The following YAF2 variants were observed in gnomAD, a reference collection of about 807,000 sequenced individuals.
The protein encoded by YAF2 is YY1-associated factor 2.
Under a neutral mutation model 20.1 loss-of-function variants are expected in YAF2, and 7 were observed. The observed-to-expected ratio is 0.35, with a 90% CI of 0.20 to 0.65. YAF2 has a LOEUF of 0.65. YAF2 is among the 30% of genes least tolerant of loss of function. The pLI is 0.69. For synonymous variants in YAF2, 74 were observed against 76.0 expected (o/e 0.97, Z 0.14); for missense variants, 151 against 219.2 (o/e 0.69, Z 1.96).
chr12:42,212,101 G>T (rs1054005881), intron 2 of YAF2, among the ~76,000 whole-genome samples: 1 of 151,648 alleles, frequency 6.6e-6, no homozygotes, highest in Non-Finnish European at 1.5e-5. Flanking sequence ...AAGTATGCCA[G>T]TCATTGAAAA....
intron 2 of YAF2, among the ~76,000 whole-genome samples, chr12:42,183,091 A>C (rs918205980): frequency 1.3e-5 from 2 of 152,168 alleles, no homozygotes; most frequent in Non-Finnish European, 2.9e-5. Context: ...CTTTGATGTT[A>C]CTGCTGTCAT....
chr12:42,231,485 T>A (rs2067983299), intron 2 of YAF2: 4 of 152,224 alleles, frequency 2.6e-5, no homozygotes, highest in African/African-American at 9.6e-5. Flanking sequence ...TAGGTGTTAT[T>A]CTTTGATACT....
chr12:42,192,277 G>C (rs1282965037), intron 2 of YAF2, among the ~76,000 whole-genome samples: 1 of 152,064 alleles, frequency 6.6e-6, no homozygotes, highest in East Asian at 1.9e-4. Context: ...GGAAGCTGAG[G>C]CAGGAGGATC....
chr12:42,211,856 C>T (rs902747256), intron 2 of YAF2, among the ~76,000 whole-genome samples: 25 of 151,896 alleles, frequency 1.6e-4, no homozygotes, highest in African/African-American at 5.8e-4. Context: ...CTAGACCAGC[C>T]TCACTAACAT....
intron 2 of YAF2, among the ~76,000 whole-genome samples, chr12:42,215,613 C>T (rs2067329843): frequency 6.6e-6 from 1 of 151,992 alleles, no homozygotes. Context: ...ATGCAATCTC[C>T]CAGGAGTTTT....
chr12:42,234,668 T>A, intron 2 of YAF2: 1 of 984,660 alleles, frequency 1.0e-6, no homozygotes, highest in Non-Finnish European at 1.2e-6. Context: ...TAATATTATT[T>A]AAAGAAAAAA....
intron 2 of YAF2, among the ~76,000 whole-genome samples, chr12:42,176,691 G>T (rs1246715696): frequency 6.6e-6 from 1 of 152,128 alleles, no homozygotes; most frequent in Admixed American, 6.5e-5. Flanking sequence ...GCCAGGTATG[G>T]TGGCTCACAT....
At position 42,238,208 on chromosome 12, in the gene YAF2, T is replaced by G; in HGVS notation, c.-28A>C. ...CTTGGCTATCACCGCACGCCGAGAG[T>G]CGCCGCCGCGACCGCTCTGTTTGTC... On this transcript the variant is annotated 5_prime_UTR_variant, in exon 1 of 4. Transcript: ENST00000534854. 1 of 1,367,900 alleles carries G rather than the reference T, an allele frequency of 7.3e-7. No individual in the cohort carries two copies. Among genetic ancestry groups the G allele is most frequent in the South Asian group, 1.3e-5 (1 of 79,846 alleles). 84.7% of individuals were successfully genotyped at this position (1,367,900 alleles called of 1,614,324 possible). A position where few individuals can be genotyped will look rare whatever the true frequency, so the allele number is the denominator to read the frequency against.
At chr12:42,178,477 C>T (rs1393703597) in intron 2 of YAF2, among the ~76,000 whole-genome samples, 1 of 152,114 alleles carries the variant, frequency 6.6e-6, no homozygotes, top group Non-Finnish European at 1.5e-5. Flanking sequence ...CCATCTTTTC[C>T]AAATAACCTT....
chr12:42,186,731 G>C lies in YAF2; in HGVS notation c.153-24966C>G, dbSNP rs187400000. Among the ~76,000 whole-genome samples the C allele has an allele frequency of 1.1e-3, 167 of 152,252 alleles. 5 individuals carry two copies. The highest frequency in any genetic ancestry group is 9.2e-3 in the Admixed American group (141 of 15,282). ...AAAGAAATTAACTTTCCCACTAGGA[G>C]TAACCAGGAAGCAGATTAGTATTAA... On this transcript the variant is annotated intron_variant, in intron 2 of 3. Transcript: ENST00000534854.
intron 2 of YAF2, chr12:42,234,189 A>AAAGAGAAAAG (rs1462142100): frequency 1.1e-6 from 1 of 878,026 alleles, no homozygotes; most frequent in Non-Finnish European, 1.3e-6. Context: ...TCAAAAAAAA[A>AAAGAGAAAAG]AAGAGAAAAG....
intron 2 of YAF2, among the ~76,000 whole-genome samples, chr12:42,194,004 G>A (rs1023377189): frequency 6.6e-6 from 1 of 152,084 alleles, no homozygotes; most frequent in African/African-American, 2.4e-5. Flanking sequence ...AATGGAGAAA[G>A]CACACAGAAT....
intron 2 of YAF2, chr12:42,234,485 G>GCA: frequency 1.0e-6 from 1 of 979,772 alleles, no homozygotes; most frequent in Non-Finnish European, 1.2e-6. Context: ...TAACAAACAT[G>GCA]CACATGTACC....
rs143539230 is a variant in YAF2, at chr12:42,172,639, A to T, written c.153-10874T>A. ...CTGCACAGGAGTGAATAAATCAAGT[A>T]CATACCCAAGAGAAATGAAAACATA... On this transcript the variant is annotated intron_variant, in intron 2 of 3. Coordinates refer to ENST00000534854, the MANE Select transcript of YAF2 (RefSeq NM_005748.6). Among the ~76,000 whole-genome samples, 28 of 152,366 alleles carry T rather than the reference A, an allele frequency of 1.8e-4. 1 individual carries two copies. In the East Asian group the frequency reaches 5.4e-3, roughly 29 times the overall value.
At chr12:42,232,267 T>C (rs1009688502) in intron 2 of YAF2, 3 of 297,642 alleles carry the variant, frequency 1.0e-5, no homozygotes, top group African/African-American at 6.8e-5. Flanking sequence ...CTGGCAGTTT[T>C]ACCCATCACT....
chr12:42,223,171 A>G (rs1178497239), intron 2 of YAF2, among the ~76,000 whole-genome samples: 1 of 152,160 alleles, frequency 6.6e-6, no homozygotes, highest in Non-Finnish European at 1.5e-5. Context: ...AAAGAGGTTT[A>G]TAAAACTATC....
intron 2 of YAF2, among the ~76,000 whole-genome samples, chr12:42,165,171 G>T (rs1262342461): frequency 6.6e-6 from 1 of 151,552 alleles, no homozygotes; most frequent in Admixed American, 6.6e-5. Flanking sequence ...GACAAACATA[G>T]GCCCTGCCCT....
intron 2 of YAF2, among the ~76,000 whole-genome samples, chr12:42,185,660 A>C (rs2137069704): frequency 6.6e-6 from 1 of 152,334 alleles, no homozygotes; most frequent in Non-Finnish European, 1.5e-5. Context: ...AAAGATTACA[A>C]CTAGCTGAAA....
intron 2 of YAF2, among the ~76,000 whole-genome samples, chr12:42,178,886 T>TA (rs925095935): frequency 2.5e-4 from 38 of 149,714 alleles, no homozygotes; most frequent in South Asian, 1.3e-3. Flanking sequence ...TGAGGAGCTT[T>TA]AAAAAAAAAA....
Sources: allele counts gnomAD v4.1 joint callset (sites outside exome capture counted in the v4.1 genomes callset), GRCh38; gene constraint gnomAD v4.1.1; transcripts MANE v1.5; gene names NCBI Gene and HGNC (gene_info 2026-07-23, HGNC 2026-07-21).